Variants in PFKM observed in about 807,000 individuals in gnomAD.
PFKM encodes phosphofructokinase, muscle, also known as ATP-dependent 6-phosphofructokinase, muscle type.
A neutral mutation model predicts 95.5 loss-of-function variants in PFKM; 58 were observed. The observed-to-expected ratio is 0.61, with a 90% CI of 0.49 to 0.76. The LOEUF (loss-of-function observed/expected upper bound fraction) is 0.76, where lower values mean the gene tolerates loss of function less well. Among genes scored for constraint, PFKM ranks in the 30% least tolerant of loss-of-function variants. PFKM has a pLI of 0.00. For missense variants in PFKM, 678 were observed against 1,005.4 expected (o/e 0.67, Z 4.40); for synonymous variants, 336 against 357.2 (o/e 0.94, Z 0.67).
At chr12:48,131,121 T>C (rs1358552504) in intron 3 of PFKM, among the ~76,000 whole-genome samples, 195 bp from the exon 4 acceptor site, 1 of 152,218 alleles carries the variant, frequency 6.6e-6, no homozygotes, top group East Asian at 1.9e-4. Context: ...TGGGAGAAAG[T>C]AGAAGAGAGT....
Position 48,144,332 on chromosome 12 carries a change from T to G in PFKM, c.1992+175T>G, listed in dbSNP as rs1950840133. 2.0e-5 allele frequency among the ~76,000 whole-genome samples: 3 copies of G among 152,182 alleles called. No individual in the cohort carries two copies. In the South Asian group the frequency reaches 6.2e-4, roughly 32 times the overall value. On this transcript the variant is annotated intron_variant, in intron 20 of 22. Transcript: ENST00000359794. ...CTTACAGTCATAGAATCAAAACATC[T>G]TTATCCTGGAAATGACTTTAGAGAT...
intron 3 of PFKM, among the ~76,000 whole-genome samples, chr12:48,108,792 C>T (rs1034805083): frequency 1.2e-4 from 19 of 152,270 alleles, no homozygotes; most frequent in African/African-American, 4.3e-4. Flanking sequence ...CCGCTATTTG[C>T]CCAATAATAT....
chr12:48,144,983 A>G, intron 20 of PFKM, 48 bp from the exon 21 acceptor site: 1 of 1,290,628 alleles, frequency 7.7e-7, no homozygotes, highest in Non-Finnish European at 1.1e-6. Flanking sequence ...TATCTCTGCC[A>G]CTTCATTAGA....
At chr12:48,139,040 CA>C (rs375905015) in intron 11 of PFKM, among the ~76,000 whole-genome samples, 2 of 147,962 alleles carry the variant, frequency 1.4e-5, no homozygotes, top group South Asian at 2.1e-4. Flanking sequence ...GACTCCGTCT[CA>C]AAAAAAAAAT....
Position 48,134,975 on chromosome 12 carries a change from C to G in PFKM, c.780C>G (p.Ile260Met). The G allele has an allele frequency of 6.2e-7, 1 of 1,614,126 alleles. No individual in the cohort carries two copies. The highest frequency in any genetic ancestry group is 8.5e-7 in the Non-Finnish European group (1 of 1,179,984). Reference protein sequence around the residue: ...TRTRGSRLNIIIVAEGAIDKN... With the variant: ...TRTRGSRLNIMIVAEGAIDKN... Reference sequence around the variant, plus strand: ...CCCGTGGTTCTCGTCTCAACATCATCATTGTGGCTGAGGGTGCAATTGACA... The same window carrying G: ...CCCGTGGTTCTCGTCTCAACATCATGATTGTGGCTGAGGGTGCAATTGACA... Residue 260 changes from isoleucine to methionine, a missense_variant, in exon 9 of 23, where the codon ATC becomes ATG. Ile to Met is a conservative substitution (Grantham distance 10). Coordinates refer to ENST00000359794, the MANE Select transcript of PFKM (RefSeq NM_000289.6).
intron 14 of PFKM, 99 bp downstream of exon 14, chr12:48,140,970 C>T: frequency 2.5e-6 from 3 of 1,219,230 alleles, no homozygotes; most frequent in Non-Finnish European, 3.6e-6. Context: ...TCCTCACTAC[C>T]TCTCTCTCCT....
upstream of PFKM, chr12:48,105,787 A>G: frequency 3.4e-6 from 2 of 581,038 alleles, no homozygotes; most frequent in East Asian, 5.8e-5. Context: ...CCCAGGAGAG[A>G]GAGACCAGAA....
intron 15 of PFKM, 22 bp from the exon 16 acceptor site, chr12:48,141,718 C>T (rs1444902939): frequency 6.4e-7 from 1 of 1,554,776 alleles, no homozygotes; most frequent in Middle Eastern, 1.7e-4. Flanking sequence ...CCTTCCCCTC[C>T]CCGCCATCAC....
chr12:48,139,487 A>G, intron 12 of PFKM, 138 bp downstream of exon 12: 2 of 736,662 alleles, frequency 2.7e-6, no homozygotes, highest in Non-Finnish European at 4.8e-6. Context: ...GTTCCTGCCC[A>G]AGAAAATTAG....
chr12:48,135,342 G>A lies in PFKM; in HGVS notation c.895G>A (p.Val299Met). The A allele has an allele frequency of 6.2e-7, 1 of 1,614,194 alleles. No homozygotes were observed. The highest frequency in any genetic ancestry group is 1.3e-5 in the African/African-American group (1 of 75,056). Residue 299 changes from valine to methionine, a missense_variant, in exon 10 of 23, where the codon GTG (valine) becomes ATG (methionine). By Grantham distance (21) the Val-to-Met change is conservative (BLOSUM62 1). Coordinates refer to ENST00000359794, the MANE Select transcript of PFKM (RefSeq NM_000289.6). ...CACCCGGGTTACTGTCTTGGGGCAT[G>A]TGCAGAGGGGTGGGACGCCATCAGC... ...YDTRVTVLGH[V>M]QRGGTPSAFD... is the part of the protein sequence containing the mutation.
chr12:48,109,825 T>G (rs767253190), intron 3 of PFKM, among the ~76,000 whole-genome samples: 3 of 152,194 alleles, frequency 2.0e-5, no homozygotes, highest in Non-Finnish European at 4.4e-5. Context: ...GCTTCCTTCC[T>G]CATCCTTTCC....
chr12:48,115,133 C>A (rs1947555751), upstream of PFKM, among the ~76,000 whole-genome samples: 1 of 152,176 alleles, frequency 6.6e-6, no homozygotes, highest in African/African-American at 2.4e-5. Flanking sequence ...ATGATCAAGG[C>A]AGGCGTCCCT....
intron 11 of PFKM, among the ~76,000 whole-genome samples, chr12:48,138,576 C>G (rs1950301877): frequency 6.6e-6 from 1 of 152,142 alleles, no homozygotes; most frequent in Non-Finnish European, 1.5e-5. Context: ...AAGGCACTGC[C>G]CCACAGAGCT....
intron 3 of PFKM, among the ~76,000 whole-genome samples, chr12:48,111,559 G>A (rs1288773026): frequency 6.6e-6 from 1 of 152,224 alleles, no homozygotes; most frequent in Non-Finnish European, 1.5e-5. Context: ...CTTGCTGAGA[G>A]GTAGTGGAGC....
At chr12:48,124,730 T>C (rs908727388) in intron 2 of PFKM, among the ~76,000 whole-genome samples, 13 of 152,172 alleles carry the variant, frequency 8.5e-5, no homozygotes, top group African/African-American at 2.4e-4. Flanking sequence ...ATAGCCCACC[T>C]GCAAATCCCC....
intron 3 of PFKM, 141 bp from the exon 4 acceptor site, chr12:48,131,172 TATG>T: frequency 1.4e-6 from 1 of 705,916 alleles, no homozygotes; most frequent in Non-Finnish European, 2.6e-6. Context: ...CTGTGTTAAA[TATG>T]ATAGTCTCAC....
At chr12:48,141,712 C>T (rs777774558) in intron 15 of PFKM, 28 bp from the exon 16 acceptor site, 1 of 1,515,094 alleles carries the variant, frequency 6.6e-7, no homozygotes, top group South Asian at 1.1e-5. Flanking sequence ...AATTCCCCTT[C>T]CCCTCCCCGC....
upstream of PFKM, among the ~76,000 whole-genome samples, chr12:48,118,139 C>A (rs969844158): frequency 2.0e-5 from 3 of 152,150 alleles, no homozygotes; most frequent in African/African-American, 7.2e-5. Context: ...AAGGGAGGAG[C>A]ATATAATGAA....
At chr12:48,129,210 CTTTTTTTTT>C (rs778761447) in intron 2 of PFKM, among the ~76,000 whole-genome samples, 18 of 21,966 alleles carry the variant, frequency 8.2e-4, no homozygotes, top group Admixed American at 1.6e-3. Context: ...AATTTTCTTT[CTTTTTTTTT>C]TTTTTTTTTT....
Sources: allele counts gnomAD v4.1 joint callset (sites outside exome capture counted in the v4.1 genomes callset), GRCh38; gene constraint gnomAD v4.1.1; transcripts MANE v1.5; gene names NCBI Gene and HGNC (gene_info 2026-07-23, HGNC 2026-07-21).